Variants in SNX9 observed in about 807,000 individuals in gnomAD.
The protein encoded by SNX9 is sorting nexin 9.
A neutral mutation model predicts 89.4 loss-of-function variants in SNX9; 44 were observed. The observed-to-expected ratio is 0.49, with a 90% confidence interval of 0.39 to 0.63. The LOEUF (loss-of-function observed/expected upper bound fraction) is 0.63. Ranked by LOEUF, SNX9 falls within the 30% of genes least tolerant of loss-of-function variation. The pLI, the probability that SNX9 is intolerant of heterozygous loss-of-function variation, is 0.00. For missense variants in SNX9, 578 were observed against 736.1 expected (o/e 0.79, Z 2.49); for synonymous variants, 236 against 247.8 (o/e 0.95, Z 0.45).
intron 4 of SNX9, among the ~76,000 whole-genome samples, chr6:157,882,432 G>A (rs1263767953): frequency 6.6e-6 from 1 of 152,200 alleles, no homozygotes; most frequent in Admixed American, 6.5e-5. Context: ...CTTGGATCGA[G>A]GAGTAATTTT....
At chr6:157,939,871 A>C (rs1256626316) in intron 16 of SNX9, among the ~76,000 whole-genome samples, 1 of 152,048 alleles carries the variant, frequency 6.6e-6, no homozygotes, top group Admixed American at 6.5e-5. Flanking sequence ...TGGCTTTCTC[A>C]GCCTGGAGGG....
intron 1 of SNX9, among the ~76,000 whole-genome samples, chr6:157,847,509 A>G (rs767217525): frequency 6.6e-6 from 1 of 152,106 alleles, no homozygotes; most frequent in African/African-American, 2.4e-5. Context: ...TATATTCTAT[A>G]GGAGTTTTCT....
At chr6:157,938,433 A>G (rs1375220068) in intron 15 of SNX9, among the ~76,000 whole-genome samples, 200 bp from the exon 16 acceptor site, 1 of 152,212 alleles carries the variant, frequency 6.6e-6, no homozygotes, top group Non-Finnish European at 1.5e-5. Flanking sequence ...GCTTAGTGAC[A>G]TTTGTCAAGA....
intron 4 of SNX9, among the ~76,000 whole-genome samples, chr6:157,895,899 T>C (rs1186409621): frequency 6.6e-6 from 1 of 152,150 alleles, no homozygotes; most frequent in Non-Finnish European, 1.5e-5. Context: ...AACAAACTGA[T>C]TTTTTCTCGA....
rs549488050 is a variant in SNX9, at chr6:157,823,993, C to T, written c.12+547C>T. Among the ~76,000 whole-genome samples, 3 of 152,240 alleles carry T rather than the reference C, an allele frequency of 2.0e-5. No homozygotes were observed. Among genetic ancestry groups the T allele is most frequent in the African/African-American group, 7.2e-5 (3 of 41,470 alleles). ...ACCGAGGCTGGGACGCCCCGCGCCC[C>T]TTTGCCTTCGCTGCTGTTATTTTTT... On this transcript the variant is annotated intron_variant, in intron 1 of 17. Transcript: ENST00000392185. The surrounding 1 kb of genome is among the most constrained non-coding windows in gnomAD (Gnocchi z 4.6).
intron 1 of SNX9, among the ~76,000 whole-genome samples, chr6:157,834,504 C>T (rs376350632): frequency 2.0e-5 from 3 of 146,938 alleles, no homozygotes; most frequent in African/African-American, 7.8e-5. Flanking sequence ...GTGCCACCCC[C>T]CCGGCCAATT....
chr6:157,906,884 A>C (rs1427925592), intron 7 of SNX9, among the ~76,000 whole-genome samples: 1 of 152,156 alleles, frequency 6.6e-6, no homozygotes, highest in Non-Finnish European at 1.5e-5. Context: ...TATTGACTTA[A>C]CCCTGTAACA....
intron 5 of SNX9, among the ~76,000 whole-genome samples, chr6:157,900,675 T>G (rs1459909063): frequency 3.3e-5 from 5 of 152,186 alleles, no homozygotes; most frequent in Non-Finnish European, 5.9e-5. Context: ...AAGTAATTCT[T>G]TAACATAACA....
intron 5 of SNX9, 58 bp from the exon 6 acceptor site, chr6:157,901,840 A>AT: frequency 1.9e-6 from 3 of 1,560,456 alleles, no homozygotes. Context: ...AAGTAATTTC[A>AT]TTTTTATTTT....
chr6:157,870,349 T>C (rs1213734577), intron 2 of SNX9, among the ~76,000 whole-genome samples: 1 of 150,134 alleles, frequency 6.7e-6, no homozygotes, highest in Non-Finnish European at 1.5e-5. Context: ...CTCACACTCA[T>C]GCTCTCACAC....
chr6:157,900,149 G>A (rs566436467), intron 5 of SNX9, among the ~76,000 whole-genome samples: 1 of 151,990 alleles, frequency 6.6e-6, no homozygotes, highest in Non-Finnish European at 1.5e-5. Flanking sequence ...AAGTTTTTTA[G>A]ATTTTTTTAA....
intron 6 of SNX9, among the ~76,000 whole-genome samples, chr6:157,902,693 C>T (rs1467921390): frequency 6.6e-6 from 1 of 151,972 alleles, no homozygotes; most frequent in East Asian, 1.9e-4. Context: ...TTGAGACAGG[C>T]GTCTCGCTCT....
At chr6:157,869,395 C>T (rs888776123) in intron 2 of SNX9, among the ~76,000 whole-genome samples, 2 of 152,186 alleles carry the variant, frequency 1.3e-5, no homozygotes, top group African/African-American at 2.4e-5. Context: ...ACACTGACCA[C>T]GTCCAGACTC....
At chr6:157,834,149 GGTTTTTTTTTTTTTTTTTTTTT>G (rs1781529501) in intron 1 of SNX9, among the ~76,000 whole-genome samples, 1 of 60,068 alleles carries the variant, frequency 1.7e-5, no homozygotes, top group African/African-American at 6.6e-5. Context: ...TGTCCACTGT[GGTTTTTTTTTTTTTTTTTTTTT>G]TTTTTTTTTT....
chr6:157,868,792 C>T (rs1164782856), intron 2 of SNX9, among the ~76,000 whole-genome samples: 3 of 152,158 alleles, frequency 2.0e-5, no homozygotes, highest in Non-Finnish European at 4.4e-5. Context: ...GGAACAAAAG[C>T]AGATAGGGAG....
chr6:157,916,401 A>G (rs558540248), intron 9 of SNX9, among the ~76,000 whole-genome samples: 36 of 152,200 alleles, frequency 2.4e-4, no homozygotes, highest in African/African-American at 7.0e-4. Context: ...ATCTTTTCCA[A>G]TCCATGGGCC....
chr6:157,826,593 C>T (rs1781349533), intron 1 of SNX9, among the ~76,000 whole-genome samples: 1 of 149,248 alleles, frequency 6.7e-6, no homozygotes, highest in African/African-American at 2.5e-5. Flanking sequence ...CAGTAGAGTG[C>T]TGCATTCAGT....
intron 1 of SNX9, among the ~76,000 whole-genome samples, chr6:157,860,956 T>C (rs2115129293): frequency 6.6e-6 from 1 of 152,210 alleles, no homozygotes; most frequent in East Asian, 1.9e-4. Context: ...GACTTGGAAA[T>C]TTCCCAAACT....
chr6:157,937,424 C>A lies in SNX9; in HGVS notation c.1444-10C>A, dbSNP rs759241612. 1.9e-6 allele frequency: 3 copies of A among 1,596,606 alleles called. No homozygotes were observed. Among genetic ancestry groups the A allele is most frequent in the Non-Finnish European group, 2.6e-6 (3 of 1,164,830 alleles). On this transcript the variant is annotated splice_polypyrimidine_tract_variant and intron_variant, in intron 14 of 17. Transcript: ENST00000392185. ...TCTGCCAGTAACAATCAGCTTGTATCTTGTTATAGCCAAAGAAAGATCTCC... is the reference window on the plus strand; with the variant it reads ...TCTGCCAGTAACAATCAGCTTGTATATTGTTATAGCCAAAGAAAGATCTCC...
Sources: gnomAD v4.1 joint callset for allele counts (sites outside exome capture counted in the v4.1 genomes callset) on GRCh38, gnomAD v4.1.1 for gene constraint, Gnocchi (gnomAD v3.1) non-coding constraint, MANE v1.5 for transcripts, NCBI Gene and HGNC (gene_info 2026-07-23, HGNC 2026-07-21) for gene names.